Variants in GTF3C1 observed in about 807,000 individuals in gnomAD.
GTF3C1 encodes general transcription factor IIIC subunit 1.
Under a neutral mutation model 226.7 loss-of-function variants are expected in GTF3C1, and 57 were observed. The ratio of observed to expected loss-of-function variants is 0.25; its 90% CI spans 0.20 to 0.31. GTF3C1 has a LOEUF of 0.31. Among genes scored for constraint, GTF3C1 ranks in the 10% least tolerant of loss-of-function variants. GTF3C1 has a pLI of 1.00. For missense variants in GTF3C1, 2,217 were observed against 2,776.1 expected (o/e 0.80, Z 4.53); for synonymous variants, 1,090 against 1,084.8 (o/e 1.00, Z -0.09).
chr16:27,499,291 T>A (rs761278884), intron 12 of GTF3C1, among the ~76,000 whole-genome samples: 4 of 152,244 alleles, frequency 2.6e-5, no homozygotes, highest in Non-Finnish European at 4.4e-5. Context: ...TTAAGGTGGT[T>A]ATCATTTCAT....
Position 27,502,969 on chromosome 16 carries a change from C to T in GTF3C1, c.1797G>A (p.Gly599=). The T allele has an allele frequency of 6.2e-7, 1 of 1,612,448 alleles. No homozygotes were observed. The highest frequency in any genetic ancestry group is 1.7e-4 in the Middle Eastern group (1 of 6,060). Residue 599 remains glycine, a synonymous_variant, in exon 11 of 37, where the codon GGG becomes GGA. Transcript: ENST00000356183. Reference sequence around the variant, plus strand: ...GTTTGTCTTGGCCTGAGCTGTGCCTCCCAGTCTTCAGGGAACTGCTACTCT... The same window carrying T: ...GTTTGTCTTGGCCTGAGCTGTGCCTTCCAGTCTTCAGGGAACTGCTACTCT... ...PKESSSSLKT[G]RHSSGQDKPH...
chr16:27,538,821 T>C (rs1489157417), intron 2 of GTF3C1, among the ~76,000 whole-genome samples: 1 of 152,168 alleles, frequency 6.6e-6, no homozygotes, highest in Admixed American at 6.5e-5. Flanking sequence ...TTTAGGTGAC[T>C]GATTTATTCT....
intron 20 of GTF3C1, 38 bp from the exon 21 acceptor site, chr16:27,489,216 G>C (rs1254340669): frequency 4.4e-6 from 7 of 1,608,110 alleles, no homozygotes; most frequent in Non-Finnish European, 5.1e-6. Flanking sequence ...AGCCCTTCTT[G>C]GTCATCACCG....
chr16:27,496,717 T>C (rs1424380915), intron 14 of GTF3C1, among the ~76,000 whole-genome samples: 1 of 152,236 alleles, frequency 6.6e-6, no homozygotes, highest in Non-Finnish European at 1.5e-5. Context: ...TCAGTTCTTT[T>C]AAAGGGGCTT....
intron 8 of GTF3C1, among the ~76,000 whole-genome samples, chr16:27,508,253 C>G (rs1193553267): frequency 6.6e-6 from 1 of 152,182 alleles, no homozygotes; most frequent in African/African-American, 2.4e-5. Context: ...TCAGGTGATC[C>G]CCCTACCTCA....
chr16:27,538,807 G>T (rs1046688601), intron 2 of GTF3C1, among the ~76,000 whole-genome samples: 1 of 152,054 alleles, frequency 6.6e-6, no homozygotes, highest in Non-Finnish European at 1.5e-5. Flanking sequence ...TTTTCATCCA[G>T]GTCTTTAGGT....
chr16:27,503,033 C>T (rs767575325), intron 10 of GTF3C1, 38 bp from the exon 11 acceptor site: 8 of 1,585,228 alleles, frequency 5.0e-6, no homozygotes, highest in South Asian at 2.2e-5. Context: ...GCAATGGGCT[C>T]GGCAAGGCTT....
chr16:27,483,545 A>G (rs1346598136), intron 25 of GTF3C1: 1 of 454,174 alleles, frequency 2.2e-6, no homozygotes, highest in Non-Finnish European at 4.4e-6. Context: ...TAACCTTCAC[A>G]TCTCCATGAT....
chr16:27,549,647 G>A lies in GTF3C1; in HGVS notation c.221+23C>T, dbSNP rs761419305. 529 of 553,204 alleles carry A rather than the reference G, an allele frequency of 9.6e-4. 2 individuals carry two copies. Among genetic ancestry groups the A allele is most frequent in the Middle Eastern group, 1.3e-3 (2 of 1,574 alleles). The allele number at this position is 553,204 out of a possible 1,614,324, so 34.3% of individuals were successfully genotyped here. A position where few individuals can be genotyped will look rare whatever the true frequency, so the allele number is the denominator to read the frequency against. On this transcript the variant is annotated intron_variant, in intron 1 of 36. Transcript: ENST00000356183. ...GGGCCCTGCGCCCGCCCGCCCGCCC[G>A]CCAGGCCAGGCCGCCCGCTGACCGG...
rs574878131 is a variant in GTF3C1 at position 27,478,149 on chromosome 16, C to T, written c.4259+320G>A. On this transcript the variant is annotated intron_variant, in intron 28 of 36. Transcript: ENST00000356183. ...TCAATCCACTGCACTTCAGCCTGGG[C>T]GAAAGAGCAAGACTCCATCTCAAAA... 2.4e-3 allele frequency among the ~76,000 whole-genome samples: 359 copies of T among 148,652 alleles called. 1 individual carries two copies. Among genetic ancestry groups the T allele is most frequent in the Non-Finnish European group, 3.7e-3 (248 of 67,420 alleles).
chr16:27,498,863 A>T, intron 12 of GTF3C1, 130 bp from the exon 13 acceptor site: 1 of 651,270 alleles, frequency 1.5e-6, no homozygotes, highest in Non-Finnish European at 2.8e-6. Flanking sequence ...CGATTAGGAG[A>T]TCGAAACAAA....
Position 27,471,485 on chromosome 16 carries a change from C to T in GTF3C1, c.4526+263G>A, listed in dbSNP as rs1451731029. 4.4e-6 allele frequency: 2 copies of T among 452,078 alleles called. No individual in the cohort carries two copies. The highest frequency in any genetic ancestry group is 8.0e-6 in the Non-Finnish European group (2 of 249,746). The allele number at this position is 452,078 out of a possible 1,614,324, so 28.0% of individuals were successfully genotyped here. A position where few individuals can be genotyped will look rare whatever the true frequency, so the allele number is the denominator to read the frequency against. ...AATTATTAAATGCAAACTGATTTCA[C>T]TCCATCTGACGAGAGAAACGGAAAC... is the stretch of plus-strand genomic sequence containing the variant. On this transcript the variant is annotated intron_variant, in intron 30 of 36. Transcript: ENST00000356183. The surrounding 1 kb of genome is among the most constrained non-coding windows in gnomAD (Gnocchi z 5.0).
chr16:27,506,508 C>T (rs1166281803), intron 9 of GTF3C1, among the ~76,000 whole-genome samples: 7 of 152,138 alleles, frequency 4.6e-5, no homozygotes, highest in Admixed American at 2.6e-4. Flanking sequence ...ACTCTCTATG[C>T]ATTTAAAAAA....
chr16:27,482,153 G>A (rs1470165206), intron 26 of GTF3C1, among the ~76,000 whole-genome samples: 1 of 152,150 alleles, frequency 6.6e-6, no homozygotes, highest in Non-Finnish European at 1.5e-5. Context: ...ACTGCTTCCT[G>A]CTCTGGAATT....
intron 33 of GTF3C1, 60 bp downstream of exon 33, chr16:27,465,200 T>C: frequency 2.0e-6 from 3 of 1,507,830 alleles, no homozygotes; most frequent in Non-Finnish European, 2.8e-6. Flanking sequence ...AGTGTGCACC[T>C]GGCCTGGGAG....
intron 6 of GTF3C1, among the ~76,000 whole-genome samples, chr16:27,524,321 C>T (rs532450366): frequency 2.0e-5 from 3 of 152,260 alleles, no homozygotes; most frequent in East Asian, 1.9e-4. Flanking sequence ...TTTTAAATGC[C>T]GGCAACAAAT....
intron 28 of GTF3C1, among the ~76,000 whole-genome samples, chr16:27,476,788 A>G (rs1333859372): frequency 2.0e-5 from 3 of 152,238 alleles, no homozygotes; most frequent in Non-Finnish European, 2.9e-5. Context: ...ATGACCACTA[A>G]TAAATGTAGT....
chr16:27,464,119 G>C (rs571339015), intron 34 of GTF3C1: 123 of 453,942 alleles, frequency 2.7e-4, no homozygotes, highest in Non-Finnish European at 4.0e-4. Context: ...TGGGGATGTG[G>C]GAGGCCTGCC....
chr16:27,465,533 A>G lies in GTF3C1; in HGVS notation c.5082T>C (p.Pro1694=). Residue 1694 remains proline, a synonymous_variant, in exon 33 of 37, where the codon CCT becomes CCC. Transcript: ENST00000356183. ...VPARLRPAAA[P]LEELTMGTSC... is the part of the protein sequence containing the mutation. The stretch of plus-strand genomic sequence containing the variant: ...AGGTTCCCATTGTTAGCTCTTCCAG[A>G]GGAGCGGCTGTGGGGACACAGAGGA... 1 of 1,597,920 alleles carries G rather than the reference A, an allele frequency of 6.3e-7. No homozygotes were observed. The highest frequency in any genetic ancestry group is 8.5e-7 in the Non-Finnish European group (1 of 1,178,504).
Sources: allele counts gnomAD v4.1 joint callset (sites outside exome capture counted in the v4.1 genomes callset), GRCh38; gene constraint gnomAD v4.1.1; non-coding constraint Gnocchi (gnomAD v3.1); transcripts MANE v1.5; gene names NCBI Gene and HGNC (gene_info 2026-07-23, HGNC 2026-07-21).